Variants in SLC9C2 observed in about 807,000 individuals in gnomAD.
The protein encoded by SLC9C2 is solute carrier family 9 member C2 (putative).
A neutral mutation model predicts 140.2 loss-of-function variants in SLC9C2; 75 were observed. The ratio of observed to expected loss-of-function variants is 0.53; its 90% CI spans 0.44 to 0.65. The LOEUF (loss-of-function observed/expected upper bound fraction) is 0.65, where lower values mean the gene tolerates loss of function less well. Ranked by LOEUF, SLC9C2 falls within the 30% of genes least tolerant of loss-of-function variation. SLC9C2 has a pLI of 0.00. For missense variants in SLC9C2, 1,074 were observed against 1,331.8 expected, an observed-to-expected ratio of 0.81 and a Z score of 3.01; for synonymous variants, 375 against 420.9, an observed-to-expected ratio of 0.89 and a Z score of 1.34.
intron 19 of SLC9C2, among the ~76,000 whole-genome samples, chr1:173,525,498 AGTGAAAGG>A (rs1415419988): frequency 1.3e-5 from 2 of 152,238 alleles, no homozygotes; most frequent in Non-Finnish European, 2.9e-5. Context: ...TGACCACTAA[AGTGAAAGG>A]TAGCAATGAT....
intron 11 of SLC9C2, among the ~76,000 whole-genome samples, chr1:173,551,984 G>T (rs1049595493): frequency 1.9e-4 from 29 of 152,160 alleles, no homozygotes; most frequent in African/African-American, 6.0e-4. Context: ...TCTCTTGAAA[G>T]AAATTAAAAG....
Position 173,601,772 on chromosome 1 carries a change from C to T in SLC9C2, c.5G>A (p.Ser2Asn), listed in dbSNP as rs1666799158. Reference sequence around the variant, plus strand: ...TTCATTTTGTGCCCAGAAGTAAGAACTCATTTTTGCTGCTGCTTTTCCCCA... The same window carrying T: ...TTCATTTTGTGCCCAGAAGTAAGAATTCATTTTTGCTGCTGCTTTTCCCCA... The part of the protein sequence containing the change: M[S>N]SYFWAQNESN... The change falls in exon 2 of 28, where the codon AGT becomes AAT. Residue 2 changes from serine (S) to asparagine (N), a missense_variant. Coordinates refer to ENST00000367714, the MANE Select transcript of SLC9C2 (RefSeq NM_178527.4). 1 of 1,613,604 alleles carries T rather than the reference C, an allele frequency of 6.2e-7. No homozygotes were observed.
intron 16 of SLC9C2, among the ~76,000 whole-genome samples, chr1:173,534,251 C>G (rs1457844191): frequency 1.3e-5 from 2 of 152,086 alleles, no homozygotes; most frequent in Non-Finnish European, 2.9e-5. Context: ...TTTACCTGAT[C>G]CTTGAGAATC....
chr1:173,519,898 C>T (rs1419962071), intron 22 of SLC9C2, among the ~76,000 whole-genome samples: 2 of 152,204 alleles, frequency 1.3e-5, no homozygotes, highest in African/African-American at 2.4e-5. Flanking sequence ...CCTGTAATCC[C>T]AGCACTTTGG....
Position 173,583,657 on chromosome 1 carries a change from C to T in SLC9C2, c.524-35G>A, listed in dbSNP as rs746761152. 4 of 1,054,170 alleles carry T rather than the reference C, an allele frequency of 3.8e-6. No homozygotes were observed. In the Admixed American group the frequency reaches 7.0e-5, roughly 18 times the overall value. 65.3% of individuals were successfully genotyped at this position (1,054,170 alleles called of 1,614,324 possible). A position where few individuals can be genotyped will look rare whatever the true frequency, so the allele number is the denominator to read the frequency against. On this transcript the variant is annotated intron_variant, in intron 5 of 27. Transcript: ENST00000367714. ...GAAATACAAAATGTAACTCAATATG[C>T]TACATGAAAATAATGTTCTTGCACA...
chr1:173,594,571 T>C (rs551640691), intron 4 of SLC9C2, among the ~76,000 whole-genome samples: 4 of 152,240 alleles, frequency 2.6e-5, no homozygotes, highest in African/African-American at 9.6e-5. Flanking sequence ...AGCATGTAGA[T>C]GAGTGTAGAG....
intron 23 of SLC9C2, among the ~76,000 whole-genome samples, chr1:173,516,709 C>CT (rs1660446923): frequency 6.6e-6 from 1 of 152,334 alleles, no homozygotes; most frequent in South Asian, 2.1e-4. Context: ...TTTATCCACT[C>CT]TATCATTGAT....
At chr1:173,523,404 T>G (rs1660967797) in intron 21 of SLC9C2, among the ~76,000 whole-genome samples, 1 of 151,962 alleles carries the variant, frequency 6.6e-6, no homozygotes, top group Non-Finnish European at 1.5e-5. Flanking sequence ...AAATAAAAAT[T>G]AAAAAATGAA....
At chr1:173,537,443 T>A (rs1312135532) in intron 13 of SLC9C2, among the ~76,000 whole-genome samples, 1 of 151,990 alleles carries the variant, frequency 6.6e-6, no homozygotes, top group East Asian at 1.9e-4. Flanking sequence ...ATGCTTGTAA[T>A]CCCAGCTACT....
chr1:173,520,832 C>T (rs979348925), intron 22 of SLC9C2, among the ~76,000 whole-genome samples: 2 of 152,168 alleles, frequency 1.3e-5, no homozygotes, highest in African/African-American at 2.4e-5. Context: ...ATGGGGCTCA[C>T]GCATGAAACC....
chr1:173,502,513 G>C (rs766515397), intron 27 of SLC9C2, among the ~76,000 whole-genome samples: 2 of 152,068 alleles, frequency 1.3e-5, no homozygotes, highest in Non-Finnish European at 2.9e-5. Flanking sequence ...AGCCCTGCAG[G>C]CTGCCCCACC....
intron 9 of SLC9C2, among the ~76,000 whole-genome samples, chr1:173,564,960 TTC>T (rs1201065083): frequency 5.1e-5 from 7 of 136,398 alleles, no homozygotes; most frequent in Non-Finnish European, 9.3e-5. Flanking sequence ...TTTTCTTTTT[TTC>T]TTTTTCTTTT....
chr1:173,564,731 G>A (rs554713450), intron 9 of SLC9C2, among the ~76,000 whole-genome samples: 34 of 145,348 alleles, frequency 2.3e-4, no homozygotes, highest in African/African-American at 7.6e-4. Flanking sequence ...TCTGCCTCCC[G>A]GGTTCATGCC....
At chr1:173,568,324 C>T (rs1031212226) in intron 9 of SLC9C2, among the ~76,000 whole-genome samples, 4 of 152,048 alleles carry the variant, frequency 2.6e-5, no homozygotes, top group African/African-American at 9.7e-5. Context: ...TTGTTTCCTT[C>T]TTTGTATTCG....
intron 27 of SLC9C2, 42 bp from the exon 28 acceptor site, chr1:173,501,139 T>C (rs950972950): frequency 4.7e-6 from 7 of 1,495,074 alleles, no homozygotes; most frequent in Non-Finnish European, 4.5e-6. Context: ...CCTATAAACA[T>C]TTCAGGAAAA....
chr1:173,593,430 G>T (rs547923037), intron 4 of SLC9C2, among the ~76,000 whole-genome samples: 1 of 152,184 alleles, frequency 6.6e-6, no homozygotes, highest in African/African-American at 2.4e-5. Flanking sequence ...TGAGGCAGGA[G>T]AATCACTTGA....
intron 26 of SLC9C2, 55 bp from the exon 27 acceptor site, chr1:173,503,381 G>A: frequency 6.8e-7 from 1 of 1,477,220 alleles, no homozygotes; most frequent in Non-Finnish European, 9.4e-7. Context: ...TAAGAGTAAA[G>A]GCAACCAGAA....
At chr1:173,579,413 T>C (rs924106994) in intron 7 of SLC9C2, among the ~76,000 whole-genome samples, 1 of 152,204 alleles carries the variant, frequency 6.6e-6, no homozygotes, top group Non-Finnish European at 1.5e-5. Context: ...CGGGGCTTTT[T>C]CTCTTCCCAG....
intron 4 of SLC9C2, among the ~76,000 whole-genome samples, chr1:173,588,929 T>A (rs1666005998): frequency 6.6e-6 from 1 of 151,856 alleles, no homozygotes; most frequent in Non-Finnish European, 1.5e-5. Context: ...AAATTAAAAA[T>A]TAGCTGAGCA....
Sources: allele counts gnomAD v4.1 joint callset (sites outside exome capture counted in the v4.1 genomes callset), GRCh38; gene constraint gnomAD v4.1.1; transcripts MANE v1.5; gene names NCBI Gene and HGNC (gene_info 2026-07-23, HGNC 2026-07-21).